The following NRG3 variants were observed in gnomAD, a reference collection of about 807,000 sequenced individuals.
NRG3 encodes the protein pro-neuregulin-3, membrane-bound isoform.
A neutral mutation model predicts 66.9 loss-of-function variants in NRG3; 31 were observed. That is an observed-to-expected ratio of 0.46 (90% CI 0.35 to 0.63). The LOEUF is 0.63. Among genes scored for constraint, NRG3 ranks in the 20% least tolerant of loss-of-function variants. The pLI, the probability that NRG3 is intolerant of heterozygous loss-of-function variation, is 0.00. For synonymous variants in NRG3, 393 were observed against 359.4 expected, an observed-to-expected ratio of 1.09 and a Z score of -1.06; for missense variants, 910 against 878.9, an observed-to-expected ratio of 1.04 and a Z score of -0.45.
Position 81,963,208 on chromosome 10 carries a change from A to G in NRG3, c.823+87045A>G, listed in dbSNP as rs1231256164. ...GAGTGCAGTGGCGGGATCTCGGCTC[A>G]CTGCAAGCTCCGCCTCCCGGGTTCA... On this transcript the variant is annotated intron_variant, in intron 1 of 8. Coordinates refer to ENST00000372141, the MANE Select transcript of NRG3 (RefSeq NM_001010848.4). Among the ~76,000 whole-genome samples, 11 of 124,068 alleles carry G rather than the reference A, an allele frequency of 8.9e-5. No individual in the cohort carries two copies. The Admixed American group carries it at 1.2e-3, about 13-fold the overall frequency. The allele number at this position is 124,068 out of a possible 152,430, so 81.4% of individuals were successfully genotyped here.
chr10:82,666,784 G>A (rs2052822751), intron 2 of NRG3, among the ~76,000 whole-genome samples: 1 of 152,110 alleles, frequency 6.6e-6, no homozygotes, highest in Non-Finnish European at 1.5e-5. Flanking sequence ...TGCTCAGTTT[G>A]CTTTTCCAGA....
At chr10:82,491,503 G>A (rs1843145047) in intron 2 of NRG3, among the ~76,000 whole-genome samples, 1 of 151,482 alleles carries the variant, frequency 6.6e-6, no homozygotes, top group Non-Finnish European at 1.5e-5. Context: ...AAAAATACTT[G>A]TTGAATGAGA....
intron 1 of NRG3, among the ~76,000 whole-genome samples, chr10:82,230,981 A>C (rs566391713): frequency 6.6e-6 from 1 of 152,300 alleles, no homozygotes; most frequent in African/African-American, 2.4e-5. Context: ...TTGGAGACTA[A>C]GTGGAGGTAT....
chr10:82,186,670 A>C (rs1028093804), intron 1 of NRG3, among the ~76,000 whole-genome samples: 2 of 152,182 alleles, frequency 1.3e-5, no homozygotes, highest in Admixed American at 6.5e-5. Flanking sequence ...GGTCAATGTT[A>C]ATGTTGAATT....
At chr10:82,782,320 C>A (rs910470811) in intron 3 of NRG3, among the ~76,000 whole-genome samples, 4 of 152,120 alleles carry the variant, frequency 2.6e-5, no homozygotes, top group Non-Finnish European at 5.9e-5. Flanking sequence ...TCCTCTTTCT[C>A]CTGCATGTGC....
intron 3 of NRG3, among the ~76,000 whole-genome samples, chr10:82,774,384 G>A (rs2059820367): frequency 6.6e-6 from 1 of 152,148 alleles, no homozygotes; most frequent in South Asian, 2.1e-4. Flanking sequence ...CAACCATGAA[G>A]TAATCTGGCT....
intron 3 of NRG3, among the ~76,000 whole-genome samples, chr10:82,807,628 A>G (rs1376603613): frequency 6.6e-6 from 1 of 152,200 alleles, no homozygotes; most frequent in Non-Finnish European, 1.5e-5. Flanking sequence ...TGTTAGATAC[A>G]CAGAATCTCA....
At chr10:82,186,978 G>T (rs1461339801) in intron 1 of NRG3, among the ~76,000 whole-genome samples, 1 of 152,070 alleles carries the variant, frequency 6.6e-6, no homozygotes, top group Non-Finnish European at 1.5e-5. Context: ...TGGCATCAAA[G>T]CTATCTTACC....
chr10:82,119,547 A>T (rs1590184386), intron 1 of NRG3, among the ~76,000 whole-genome samples: 1 of 152,152 alleles, frequency 6.6e-6, no homozygotes, highest in East Asian at 1.9e-4. Context: ...TTAAAGTGAG[A>T]ACTATAGCAG....
intron 1 of NRG3, among the ~76,000 whole-genome samples, chr10:82,201,574 C>T (rs915626827): frequency 2.6e-5 from 4 of 152,060 alleles, no homozygotes; most frequent in African/African-American, 4.8e-5. Context: ...CCTTTAATAG[C>T]GGTATTGAGA....
Position 81,876,094 on chromosome 10 carries a change from T to C in NRG3, c.754T>C (p.Ser252Pro), listed in dbSNP as rs1173300200. The C allele has an allele frequency of 4.3e-6, 7 of 1,610,788 alleles. No homozygotes were observed. Among genetic ancestry groups the C allele is most frequent in the South Asian group, 1.1e-5 (1 of 90,608 alleles). The change falls in exon 1 of 9, where the codon TCC becomes CCC. Residue 252 changes from serine to proline, a missense_variant. Physicochemically the swap from Ser to Pro is moderately conservative, Grantham distance 74. Coordinates refer to ENST00000372141, the MANE Select transcript of NRG3 (RefSeq NM_001010848.4). ...WTLSPFQDAA[S>P]SSSSSSSSAT... ...CCTGTCTCCCTTTCAGGATGCTGCC[T>C]CCTCTTCTTCCTCTTCTTCCTCCTC...
At chr10:82,341,130 A>T (rs2082665315) in intron 1 of NRG3, among the ~76,000 whole-genome samples, 1 of 152,160 alleles carries the variant, frequency 6.6e-6, no homozygotes, top group Non-Finnish European at 1.5e-5. Context: ...GTATGCCCAA[A>T]ATTTAAAAAT....
intron 1 of NRG3, among the ~76,000 whole-genome samples, chr10:81,964,364 C>T (rs973475005): frequency 2.1e-5 from 3 of 140,272 alleles, no homozygotes; most frequent in African/African-American, 8.2e-5. Context: ...TCGCTGCACT[C>T]CAGCTTGGGC....
chr10:81,950,178 A>T (rs921468124), intron 1 of NRG3, among the ~76,000 whole-genome samples: 4 of 152,136 alleles, frequency 2.6e-5, no homozygotes, highest in Admixed American at 1.3e-4. Flanking sequence ...ATGAGATTTG[A>T]CTTTTCTACT....
chr10:82,617,705 G>A (rs996358162), intron 2 of NRG3, among the ~76,000 whole-genome samples: 1 of 152,116 alleles, frequency 6.6e-6, no homozygotes, highest in African/African-American at 2.4e-5. Context: ...CGAAGCAGTG[G>A]GACGCAGTCT....
At chr10:82,640,919 C>T (rs980210509) in intron 2 of NRG3, among the ~76,000 whole-genome samples, 5 of 151,296 alleles carry the variant, frequency 3.3e-5, no homozygotes, top group Non-Finnish European at 7.4e-5. Context: ...ACAACTTGTA[C>T]GATTTGATAG....
In NRG3 at chr10:81,982,241, T is replaced by C. The variant is rs74637402; in HGVS notation, c.823+106078T>C. ...ACAAAACACTGGGACACAGTTCAGC[T>C]AATCTCTCTGCCATTTTATGGTAAG... On this transcript the variant is annotated intron_variant, in intron 1 of 8. Coordinates refer to ENST00000372141, the MANE Select transcript of NRG3 (RefSeq NM_001010848.4). Among the ~76,000 whole-genome samples the C allele has an allele frequency of 8.3e-3, 1,271 of 152,346 alleles. 6 individuals are homozygous for C. Among genetic ancestry groups the C allele is most frequent in the African/African-American group, 0.022 (895 of 41,578 alleles).
intron 3 of NRG3, among the ~76,000 whole-genome samples, chr10:82,780,756 C>G (rs7069983): frequency 0.014 from 2,068 of 152,210 alleles, 44 homozygotes; most frequent in African/African-American, 0.047. Context: ...GCTAATCCTT[C>G]TTGGTGCCAC....
intron 3 of NRG3, among the ~76,000 whole-genome samples, chr10:82,805,436 G>A (rs1465784747): frequency 1.3e-5 from 2 of 152,060 alleles, no homozygotes; most frequent in African/African-American, 4.8e-5. Context: ...TTTTGTCCCT[G>A]TGTCTTTCTT....
Sources: allele counts gnomAD v4.1 joint callset (sites outside exome capture counted in the v4.1 genomes callset), GRCh38; gene constraint gnomAD v4.1.1; transcripts MANE v1.5; gene names NCBI Gene and HGNC (gene_info 2026-07-23, HGNC 2026-07-21).